CACUL1: variants seen among roughly 807,000 people sequenced by gnomAD.
The protein encoded by CACUL1 is CDK2 associated cullin domain 1, also known as CDK2-associated and cullin domain-containing protein 1.
A neutral mutation model predicts 45.2 loss-of-function variants in CACUL1; 13 were observed. That is an observed-to-expected ratio of 0.29 (90% CI 0.19 to 0.46). The LOEUF (loss-of-function observed/expected upper bound fraction) is 0.46. Among genes scored for constraint, CACUL1 ranks in the 20% least tolerant of loss-of-function variants. CACUL1 has a pLI of 1.00. For synonymous variants in CACUL1, 197 were observed against 174.2 expected (o/e 1.13, Z -1.03); for missense variants, 421 against 471.4 (o/e 0.89, Z 0.99).
intron 3 of CACUL1, among the ~76,000 whole-genome samples, chr10:118,716,209 G>A (rs1200530353): frequency 1.3e-5 from 2 of 150,692 alleles, no homozygotes; most frequent in Non-Finnish European, 2.9e-5. Context: ...TCCAGCCTGG[G>A]CGACAGAGCA....
chr10:118,696,670 T>G (rs558931654), intron 5 of CACUL1, among the ~76,000 whole-genome samples: 68 of 152,340 alleles, frequency 4.5e-4, no homozygotes, highest in African/African-American at 1.6e-3. Flanking sequence ...CGAATTTGTG[T>G]TGGGCAGCAT....
intron 4 of CACUL1, among the ~76,000 whole-genome samples, chr10:118,706,839 A>C (rs1845436775): frequency 6.6e-6 from 1 of 152,214 alleles, no homozygotes; most frequent in Non-Finnish European, 1.5e-5. Context: ...TTTATGGAAA[A>C]TAACATTTTT....
intron 3 of CACUL1, among the ~76,000 whole-genome samples, chr10:118,724,969 C>CA (rs778373160): frequency 2.6e-5 from 4 of 151,952 alleles, no homozygotes; most frequent in East Asian, 3.9e-4. Context: ...TGGTCTCTCA[C>CA]AAAAAATATG....
chr10:118,750,370 G>T (rs1845885387), intron 1 of CACUL1, among the ~76,000 whole-genome samples: 1 of 152,066 alleles, frequency 6.6e-6, no homozygotes, highest in Admixed American at 6.6e-5. Context: ...TATTTCATGG[G>T]TCTGTTTGGC....
intron 1 of CACUL1, among the ~76,000 whole-genome samples, chr10:118,733,037 C>A (rs1845711045): frequency 6.6e-6 from 1 of 152,186 alleles, no homozygotes. Context: ...ACATACCTAT[C>A]TTCTGGGCTC....
intron 4 of CACUL1, among the ~76,000 whole-genome samples, chr10:118,705,168 ACATTT>A (rs1275932186): frequency 6.6e-6 from 1 of 152,218 alleles, no homozygotes; most frequent in Non-Finnish European, 1.5e-5. Flanking sequence ...GCTGTCTTCC[ACATTT>A]CATTTCTAAG....
chr10:118,735,764 T>G (rs1367962377), intron 1 of CACUL1, among the ~76,000 whole-genome samples: 5 of 152,132 alleles, frequency 3.3e-5, no homozygotes, highest in Non-Finnish European at 5.9e-5. Context: ...ATATCCCTTC[T>G]TCCCACCAAA....
intron 1 of CACUL1, among the ~76,000 whole-genome samples, chr10:118,752,933 G>C (rs780318496): frequency 2.6e-5 from 4 of 151,570 alleles, no homozygotes; most frequent in African/African-American, 9.7e-5. Context: ...TCATTTATTT[G>C]CATCTTTTTT....
At chr10:118,687,828 T>TA (rs1239926752) in intron 7 of CACUL1, among the ~76,000 whole-genome samples, 1 of 151,248 alleles carries the variant, frequency 6.6e-6, no homozygotes, top group Admixed American at 6.6e-5. Context: ...TCAATATTAT[T>TA]TTTTTTTTAC....
At chr10:118,718,723 G>A (rs941794564) in intron 3 of CACUL1, among the ~76,000 whole-genome samples, 14 of 152,088 alleles carry the variant, frequency 9.2e-5, no homozygotes, top group African/African-American at 3.4e-4. Context: ...ATAGGCGCCC[G>A]CCACCACGCC....
chr10:118,754,688 C>G lies in CACUL1; in HGVS notation c.75G>C (p.Trp25Cys). 1 of 1,608,794 alleles carries G rather than the reference C, an allele frequency of 6.2e-7. No homozygotes were observed. The highest frequency in any genetic ancestry group is 8.5e-7 in the Non-Finnish European group (1 of 1,178,016). Residue 25 changes from tryptophan to cysteine, a missense_variant, in exon 1 of 9, where the codon TGG (tryptophan) becomes TGC (cysteine). Around this residue, in one of 2 missense-constraint regions of CACUL1, gnomAD observed 213 missense variants for 173.1 expected, o/e 1.23. Transcript: ENST00000369151. ...GCCGGAAGCCGTCCACCGCAGCCTC[C>G]CAGTTGTTGTGGTTCTGGTCGTCCA... ...AMMDDQNHNNWEAAVDGFRQP... is the reference protein window; with the variant it reads ...AMMDDQNHNNCEAAVDGFRQP...
rs1845138201 is a variant in CACUL1 at position 118,680,002 on chromosome 10, G to T, written c.*6126C>A. ...TGTAGGTACATTACTAGAAAGTTTT[G>T]AATTGTTATGCCCTTCTGGCTTAAC... On this transcript the variant is annotated 3_prime_UTR_variant, in exon 9 of 9. Coordinates refer to ENST00000369151, the MANE Select transcript of CACUL1 (RefSeq NM_153810.5). 6.6e-6 allele frequency: 1 copy of T among 151,816 alleles called. No homozygotes were observed. The highest frequency in any genetic ancestry group is 1.5e-5 in the Non-Finnish European group (1 of 67,948). 9.4% of individuals were successfully genotyped at this position (151,816 alleles called of 1,614,324 possible). A position where few individuals can be genotyped will look rare whatever the true frequency, so the allele number is the denominator to read the frequency against.
At chr10:118,697,406 G>A (rs1488967378) in intron 5 of CACUL1, among the ~76,000 whole-genome samples, 8 of 152,110 alleles carry the variant, frequency 5.3e-5, no homozygotes, top group African/African-American at 9.7e-5. Context: ...TTGCTTATAC[G>A]CAACAATCAT....
chr10:118,741,484 C>CACA lies in CACUL1; in HGVS notation c.368-11075_368-11074insTGT, dbSNP rs552321918. Among the ~76,000 whole-genome samples the CACA allele has an allele frequency of 1.2e-3, 177 of 151,218 alleles. 1 individual carries two copies. The highest frequency in any genetic ancestry group is 3.9e-3 in the African/African-American group (159 of 41,066). On this transcript the variant is annotated intron_variant, in intron 1 of 8. Coordinates refer to ENST00000369151, the MANE Select transcript of CACUL1 (RefSeq NM_153810.5). ...CAGACAGACACACACACACACACAC[C>CACA]CCCTCACTTCACACCTTTATACCTT... is the stretch of plus-strand genomic sequence containing the variant.
Position 118,717,926 on chromosome 10 carries a change from G to A in CACUL1, c.598-10339C>T, listed in dbSNP as rs547703020. 1.6e-4 allele frequency among the ~76,000 whole-genome samples: 25 copies of A among 151,994 alleles called. No individual in the cohort carries two copies. In the South Asian group the frequency reaches 2.7e-3, roughly 16 times the overall value. On this transcript the variant is annotated intron_variant, in intron 3 of 8. Coordinates refer to ENST00000369151, the MANE Select transcript of CACUL1 (RefSeq NM_153810.5). ...TGAAGCAGGAATACCTAAAGAAGCC[G>A]ATGAACACATCATGGGGTCCTCCAT...
intron 1 of CACUL1, among the ~76,000 whole-genome samples, chr10:118,748,176 G>A (rs1845862612): frequency 6.6e-6 from 1 of 152,228 alleles, no homozygotes. Flanking sequence ...CTGCTGGACA[G>A]ACAGTCCTCC....
intron 7 of CACUL1, among the ~76,000 whole-genome samples, chr10:118,689,128 T>C (rs1845236313): frequency 6.6e-6 from 1 of 152,196 alleles, no homozygotes; most frequent in Non-Finnish European, 1.5e-5. Flanking sequence ...TATTCTCCTT[T>C]TCTGGGGGCA....
intron 4 of CACUL1, among the ~76,000 whole-genome samples, chr10:118,705,528 T>C (rs180968847): frequency 9.2e-5 from 14 of 152,310 alleles, no homozygotes; most frequent in Admixed American, 3.3e-4. Flanking sequence ...CAGAAGTACT[T>C]AGAAACTCAA....
chr10:118,711,014 T>C (rs1463553601), intron 3 of CACUL1, among the ~76,000 whole-genome samples: 2 of 152,244 alleles, frequency 1.3e-5, no homozygotes, highest in Non-Finnish European at 2.9e-5. Context: ...CACATGTATA[T>C]GCAACTAGTA....
Sources: allele counts gnomAD v4.1 joint callset (sites outside exome capture counted in the v4.1 genomes callset), GRCh38; gene constraint gnomAD v4.1.1; regional missense constraint gnomAD v4.1.1; transcripts MANE v1.5; gene names NCBI Gene and HGNC (gene_info 2026-07-23, HGNC 2026-07-21).